Variants in CHCHD6 observed in about 807,000 individuals in gnomAD.
The protein encoded by CHCHD6 is coiled-coil-helix-coiled-coil-helix domain containing 6.
Under a neutral mutation model 32.3 loss-of-function variants are expected in CHCHD6, and 28 were observed. The observed-to-expected ratio is 0.87, with a 90% CI of 0.64 to 1.19. The LOEUF (loss-of-function observed/expected upper bound fraction) is 1.19, where lower values mean the gene tolerates loss of function less well. CHCHD6 is among the 50% of genes most tolerant of loss of function. The pLI, the probability that CHCHD6 is intolerant of heterozygous loss-of-function variation, is 0.00. For missense variants in CHCHD6, 333 were observed against 307.0 expected (o/e 1.08, Z -0.63); for synonymous variants, 122 against 117.5 (o/e 1.04, Z -0.25).
At chr3:126,874,285 A>G (rs1428918048) in intron 5 of CHCHD6, among the ~76,000 whole-genome samples, 1 of 152,242 alleles carries the variant, frequency 6.6e-6, no homozygotes, top group Non-Finnish European at 1.5e-5. Context: ...AAAAGTGTTC[A>G]TGGTAAAGTA....
intron 5 of CHCHD6, chr3:126,865,510 C>A (rs939280068): frequency 1.0e-6 from 1 of 953,822 alleles, no homozygotes; most frequent in Non-Finnish European, 1.2e-6. Context: ...ACCACCACCA[C>A]CATCTCCACC....
intron 5 of CHCHD6, among the ~76,000 whole-genome samples, chr3:126,868,888 C>T (rs1163000019): frequency 6.6e-6 from 1 of 152,194 alleles, no homozygotes; most frequent in Admixed American, 6.5e-5. Flanking sequence ...AGACCCTGCA[C>T]ATCATAAGGC....
At chr3:126,863,637 T>C (rs1441992062) in intron 5 of CHCHD6, among the ~76,000 whole-genome samples, 598 of 13,756 alleles carry the variant, frequency 0.043, no homozygotes, top group Admixed American at 0.052. Context: ...CCTCACCCTC[T>C]TCCACCATCA....
At chr3:126,738,850 A>C (rs968060988) in intron 4 of CHCHD6, among the ~76,000 whole-genome samples, 5 of 152,270 alleles carry the variant, frequency 3.3e-5, no homozygotes, top group Non-Finnish European at 7.3e-5. Context: ...TTGGGAGTCA[A>C]CTAAAAAGAT....
At chr3:126,792,263 A>G (rs1938585852) in intron 4 of CHCHD6, among the ~76,000 whole-genome samples, 1 of 142,108 alleles carries the variant, frequency 7.0e-6, no homozygotes, top group Non-Finnish European at 1.5e-5. Flanking sequence ...ATATTCTAAT[A>G]TAGAATATAT....
At chr3:126,752,862 AG>A (rs1936785431) in intron 4 of CHCHD6, among the ~76,000 whole-genome samples, 1 of 152,174 alleles carries the variant, frequency 6.6e-6, no homozygotes, top group African/African-American at 2.4e-5. Flanking sequence ...TAGATGAGGA[AG>A]GAGAAATATT....
intron 4 of CHCHD6, among the ~76,000 whole-genome samples, chr3:126,739,048 C>G (rs1936176592): frequency 6.6e-6 from 1 of 152,180 alleles, no homozygotes; most frequent in Admixed American, 6.5e-5. Context: ...TCTGGAGACT[C>G]TGGTGGCCTT....
chr3:126,928,943 G>A (rs2078363040), intron 6 of CHCHD6, among the ~76,000 whole-genome samples: 2 of 152,190 alleles, frequency 1.3e-5, no homozygotes, highest in African/African-American at 2.4e-5. Flanking sequence ...AGTTGCCAGT[G>A]CCCATCCTCA....
intron 4 of CHCHD6, among the ~76,000 whole-genome samples, chr3:126,848,305 G>A (rs1005991785): frequency 6.6e-6 from 1 of 151,902 alleles, no homozygotes; most frequent in Non-Finnish European, 1.5e-5. Flanking sequence ...TTCCCTTGTT[G>A]TTCTCAGCTT....
At chr3:126,897,719 C>G (rs1251426626) in intron 5 of CHCHD6, among the ~76,000 whole-genome samples, 1 of 152,252 alleles carries the variant, frequency 6.6e-6, no homozygotes, top group Non-Finnish European at 1.5e-5. Context: ...TGCAGTGGCA[C>G]TTTGAACCTC....
intron 5 of CHCHD6, among the ~76,000 whole-genome samples, chr3:126,866,804 A>G (rs866712159): frequency 1.6e-4 from 24 of 152,326 alleles, no homozygotes; most frequent in Middle Eastern, 6.8e-3. Context: ...CCCAGTGACC[A>G]TGAAGTTTCC....
chr3:126,722,473 G>A (rs565071121), intron 1 of CHCHD6, among the ~76,000 whole-genome samples: 1 of 152,104 alleles, frequency 6.6e-6, no homozygotes, highest in Non-Finnish European at 1.5e-5. Flanking sequence ...CTTACACGTT[G>A]ACCTTTTAAT....
At chr3:126,851,236 C>T (rs962713673) in intron 4 of CHCHD6, among the ~76,000 whole-genome samples, 2 of 152,174 alleles carry the variant, frequency 1.3e-5, no homozygotes, top group African/African-American at 4.8e-5. Flanking sequence ...TATTACAGAC[C>T]AACCTGCTGG....
At chr3:126,775,920 C>T (rs371188962) in intron 4 of CHCHD6, among the ~76,000 whole-genome samples, 1 of 152,298 alleles carries the variant, frequency 6.6e-6, no homozygotes, top group Non-Finnish European at 1.5e-5. Context: ...CTGTAGCACT[C>T]CCTATTGGAG....
At chr3:126,772,393 T>G (rs969930472) in intron 4 of CHCHD6, among the ~76,000 whole-genome samples, 3 of 152,196 alleles carry the variant, frequency 2.0e-5, no homozygotes, top group Non-Finnish European at 4.4e-5. Context: ...CATAGGTCTT[T>G]AAGAACTTCC....
At chr3:126,866,519 C>CA (rs1942293883) in intron 5 of CHCHD6, among the ~76,000 whole-genome samples, 1 of 152,220 alleles carries the variant, frequency 6.6e-6, no homozygotes, top group Non-Finnish European at 1.5e-5. Flanking sequence ...TACCAGTTGT[C>CA]ACATGAATGA....
intron 4 of CHCHD6, among the ~76,000 whole-genome samples, chr3:126,838,725 G>T (rs928570881): frequency 3.3e-5 from 5 of 152,112 alleles, no homozygotes; most frequent in African/African-American, 1.2e-4. Flanking sequence ...CCTTATGGCA[G>T]CCCTATGAGG....
chr3:126,862,227 C>T (rs1268183563), intron 5 of CHCHD6, among the ~76,000 whole-genome samples: 1 of 127,102 alleles, frequency 7.9e-6, no homozygotes. Context: ...CCACCTCCTC[C>T]TCCTCCTCCA....
chr3:126,826,212 A>G (rs1046038286), intron 4 of CHCHD6, among the ~76,000 whole-genome samples: 1 of 152,234 alleles, frequency 6.6e-6, no homozygotes, highest in Non-Finnish European at 1.5e-5. Flanking sequence ...TCTTGCATGG[A>G]CATAATTCCA....
Sources: allele counts gnomAD v4.1 joint callset (sites outside exome capture counted in the v4.1 genomes callset), GRCh38; gene constraint gnomAD v4.1.1; transcripts MANE v1.5; gene names NCBI Gene and HGNC (gene_info 2026-07-23, HGNC 2026-07-21).